ZC3H12B: variants seen among roughly 807,000 people sequenced by gnomAD.
ZC3H12B encodes zinc finger CCCH-type containing 12B.
Under a neutral mutation model 43.9 loss-of-function variants are expected in ZC3H12B, and 7 were observed. The ratio of observed to expected loss-of-function variants is 0.16; its 90% CI spans 0.09 to 0.30. The LOEUF is 0.30. ZC3H12B is among the 10% of genes least tolerant of loss of function. ZC3H12B has a pLI of 1.00. For synonymous variants in ZC3H12B, 222 were observed against 241.7 expected (o/e 0.92, Z 0.76); for missense variants, 475 against 670.2 (o/e 0.71, Z 3.22).
the ZC3H12B span, among the ~76,000 whole-genome samples, chrX:65,099,257 C>T: frequency 1.8e-5 from 2 of 111,700 alleles, no homozygotes; most frequent in African/African-American, 3.3e-5. Context: ...TACAGAGCAC[C>T]TGGGGGAAGG....
At chrX:65,162,839 C>T in the ZC3H12B span, among the ~76,000 whole-genome samples, 2 of 112,198 alleles carry the variant, frequency 1.8e-5, no homozygotes, top group Non-Finnish European at 3.8e-5. Flanking sequence ...GGAGAAGAGA[C>T]GCTCTTCTTT....
chrX:65,284,253 A>ACAC, the ZC3H12B span, among the ~76,000 whole-genome samples: 5 of 85,329 alleles, frequency 5.9e-5, no homozygotes, highest in African/African-American at 1.8e-4. Flanking sequence ...CACACACACA[A>ACAC]AAAAAAAAAA....
At chrX:65,357,690 A>C in the ZC3H12B span, 1 of 112,441 alleles carries the variant, frequency 8.9e-6, no homozygotes. Flanking sequence ...CTCCTAAAGG[A>C]AGCACTAAAT....
the ZC3H12B span, among the ~76,000 whole-genome samples, chrX:65,043,205 T>C: frequency 1.4e-3 from 156 of 110,996 alleles, 2 homozygotes; most frequent in Middle Eastern, 4.6e-3. Context: ...GAAGGGAAGA[T>C]TGTGGGCTAA....
intron 3 of ZC3H12B, among the ~76,000 whole-genome samples, chrX:65,430,675 A>G (rs1009462361): frequency 1.8e-5 from 2 of 108,905 alleles, no homozygotes; most frequent in Non-Finnish European, 3.8e-5. Context: ...ACATGAACTC[A>G]TCCTTTTTTA....
chrX:65,191,151 A>G, the ZC3H12B span, among the ~76,000 whole-genome samples: 1 of 77,281 alleles, frequency 1.3e-5, no homozygotes, highest in Non-Finnish European at 2.4e-5. Flanking sequence ...GATGAAGCCC[A>G]CTTGATCATG....
At chrX:65,390,710 T>C (rs769427870) in intron 2 of ZC3H12B, among the ~76,000 whole-genome samples, 15 of 104,346 alleles carry the variant, frequency 1.4e-4, no homozygotes, top group Non-Finnish European at 2.7e-4. Flanking sequence ...TAATCGGCAC[T>C]ATGGATCAAA....
the ZC3H12B span, among the ~76,000 whole-genome samples, chrX:65,212,166 A>G: frequency 7.8e-5 from 4 of 51,177 alleles, no homozygotes; most frequent in Non-Finnish European, 3.1e-5. Context: ...AGTATATAAT[A>G]TATAATATTA....
intron 2 of ZC3H12B, among the ~76,000 whole-genome samples, chrX:65,382,942 G>T (rs1015409265): frequency 9.1e-6 from 1 of 110,357 alleles, no homozygotes; most frequent in Non-Finnish European, 1.9e-5. Flanking sequence ...CACTGCTCAA[G>T]AAAATAAAAG....
upstream of ZC3H12B, among the ~76,000 whole-genome samples, chrX:65,484,191 G>T (rs1311182677): frequency 9.0e-6 from 1 of 111,154 alleles, no homozygotes; most frequent in African/African-American, 3.3e-5. Context: ...ACACACTCTG[G>T]GGCCTAACAG....
the ZC3H12B span, among the ~76,000 whole-genome samples, chrX:65,085,314 C>T: frequency 2.3e-4 from 26 of 111,311 alleles, no homozygotes; most frequent in African/African-American, 7.2e-4. Flanking sequence ...GATGGATGCC[C>T]TATTCTCTTT....
At chrX:65,371,292 T>C (rs1255383464) in intron 2 of ZC3H12B, among the ~76,000 whole-genome samples, 1 of 111,953 alleles carries the variant, frequency 8.9e-6, no homozygotes, top group Admixed American at 9.5e-5. Flanking sequence ...TTGAGTCTCA[T>C]AATAATGACA....
chrX:65,316,510 CA>C, the ZC3H12B span, among the ~76,000 whole-genome samples: 1 of 111,363 alleles, frequency 9.0e-6, no homozygotes, highest in Non-Finnish European at 1.9e-5. Context: ...GCATTTGTAA[CA>C]AAAAATTTCA....
At chrX:65,228,497 C>G in the ZC3H12B span, among the ~76,000 whole-genome samples, 805 of 110,863 alleles carry the variant, frequency 7.3e-3, 3 homozygotes, top group Non-Finnish European at 0.013. Flanking sequence ...CCTCTCTCAC[C>G]ACTCCTATTC....
chrX:65,264,084 C>T, the ZC3H12B span, among the ~76,000 whole-genome samples: 1 of 111,479 alleles, frequency 9.0e-6, no homozygotes. Flanking sequence ...TACCTTGTCA[C>T]TTATAAATGG....
At chrX:65,184,490 A>C in the ZC3H12B span, among the ~76,000 whole-genome samples, 1 of 111,654 alleles carries the variant, frequency 9.0e-6, no homozygotes, top group Non-Finnish European at 1.9e-5. Flanking sequence ...GAGATATTGC[A>C]GAAGGTGGAT....
chrX:65,472,971 T>C (rs1451158821), intron 3 of ZC3H12B, among the ~76,000 whole-genome samples: 1 of 81,066 alleles, frequency 1.2e-5, no homozygotes, highest in Non-Finnish European at 2.1e-5. Flanking sequence ...TATGTGTATG[T>C]GTGTGTATAT....
the ZC3H12B span, among the ~76,000 whole-genome samples, chrX:65,214,235 A>T: frequency 9.0e-6 from 1 of 111,101 alleles, no homozygotes; most frequent in African/African-American, 3.3e-5. Context: ...AATTTCTTTA[A>T]ATAAAACAAC....
chrX:65,292,105 A>G, the ZC3H12B span, among the ~76,000 whole-genome samples: 1 of 111,914 alleles, frequency 8.9e-6, no homozygotes, highest in African/African-American at 3.2e-5. Context: ...TATATTATAA[A>G]TGGAAAGATG....
Sources: allele counts gnomAD v4.1 joint callset (sites outside exome capture counted in the v4.1 genomes callset), GRCh38; gene constraint gnomAD v4.1.1; transcripts MANE v1.5; gene names NCBI Gene and HGNC (gene_info 2026-07-23, HGNC 2026-07-21).